The following DYM variants were observed in gnomAD, a reference collection of about 807,000 sequenced individuals.
DYM encodes the protein dymeclin.
Under a neutral mutation model 93.1 loss-of-function variants are expected in DYM, and 78 were observed. The ratio of observed to expected loss-of-function variants is 0.84; its 90% CI spans 0.70 to 1.01. DYM has a LOEUF of 1.01. Among genes scored for constraint, DYM ranks in the 50% least tolerant of loss-of-function variants. The probability of loss-of-function intolerance (pLI) is 0.00; values close to 1 mark genes in which losing one functional copy is unlikely to be tolerated. For synonymous variants in DYM, 321 were observed against 319.7 expected (o/e 1.00, Z -0.04); for missense variants, 789 against 845.0 (o/e 0.93, Z 0.82).
chr18:49,331,752 C>T (rs1239673962), intron 8 of DYM, 112 bp downstream of exon 8: 31 of 1,175,688 alleles, frequency 2.6e-5, no homozygotes, highest in Non-Finnish European at 2.8e-5. Context: ...GAACCAGCTG[C>T]ACAAATTCAA....
chr18:49,262,448 A>G (rs2094504354), intron 11 of DYM, among the ~76,000 whole-genome samples: 1 of 152,208 alleles, frequency 6.6e-6, no homozygotes, highest in Non-Finnish European at 1.5e-5. Context: ...CATTTATATC[A>G]GCAGTACTCA....
intron 8 of DYM, among the ~76,000 whole-genome samples, chr18:49,308,509 G>A (rs762476428): frequency 8.5e-5 from 13 of 152,094 alleles, no homozygotes; most frequent in South Asian, 2.1e-4. Flanking sequence ...CAGTCCTACC[G>A]TCTACTAGTT....
rs1305733829 is a variant in DYM, at chr18:49,043,428, C to T, written c.*627G>A. ...TACAAATGTGAGCCACTGTATCTGGCCCATATTCTTTTTTAAGAAAAGATG... is the reference window on the plus strand; with the variant it reads ...TACAAATGTGAGCCACTGTATCTGGTCCATATTCTTTTTTAAGAAAAGATG... On this transcript the variant is annotated 3_prime_UTR_variant, in exon 18 of 18. Transcript: ENST00000675505. 1 of 152,436 alleles carries T rather than the reference C, an allele frequency of 6.6e-6. No homozygotes were observed. Among genetic ancestry groups the T allele is most frequent in the Non-Finnish European group, 1.5e-5 (1 of 68,244 alleles). The allele number at this position is 152,436 out of a possible 1,614,324, so 9.4% of individuals were successfully genotyped here.
intron 17 of DYM, among the ~76,000 whole-genome samples, chr18:49,084,236 T>G (rs2078300925): frequency 1.3e-5 from 2 of 152,216 alleles, no homozygotes; most frequent in Admixed American, 1.3e-4. Flanking sequence ...ATTAAAAGTA[T>G]GCTGCTTAAT....
intron 13 of DYM, among the ~76,000 whole-genome samples, chr18:49,228,931 A>G (rs989952279): frequency 6.6e-6 from 1 of 152,156 alleles, no homozygotes; most frequent in African/African-American, 2.4e-5. Context: ...TCACATCTGA[A>G]TAAACAGTTA....
At chr18:49,281,506 A>G (rs894785143) in intron 10 of DYM, among the ~76,000 whole-genome samples, 2 of 152,248 alleles carry the variant, frequency 1.3e-5, no homozygotes, top group Non-Finnish European at 2.9e-5. Context: ...ATGCACACGC[A>G]TGTTTATGGC....
chr18:49,079,945 C>G (rs1386950472), intron 17 of DYM, among the ~76,000 whole-genome samples: 1 of 150,862 alleles, frequency 6.6e-6, no homozygotes, highest in Non-Finnish European at 1.5e-5. Context: ...GGGTGGTGGC[C>G]GGGCAGAGGG....
intron 1 of DYM, among the ~76,000 whole-genome samples, chr18:49,441,771 G>C (rs1185044012): frequency 1.3e-5 from 2 of 152,022 alleles, no homozygotes; most frequent in African/African-American, 4.8e-5. Context: ...ATGGAGCCGT[G>C]GGAAGGCTAA....
chr18:49,187,662 C>A (rs1330546271), intron 14 of DYM, among the ~76,000 whole-genome samples: 2 of 152,062 alleles, frequency 1.3e-5, no homozygotes, highest in Non-Finnish European at 2.9e-5. Context: ...GAATGAAACT[C>A]TCCCCAAATA....
intron 10 of DYM, among the ~76,000 whole-genome samples, chr18:49,281,138 A>C (rs2094962913): frequency 1.3e-5 from 2 of 152,180 alleles, no homozygotes; most frequent in Non-Finnish European, 1.5e-5. Context: ...AAAAAGTGGG[A>C]GAAGGATATG....
At chr18:49,327,865 A>G (rs1443166598) in intron 8 of DYM, among the ~76,000 whole-genome samples, 2 of 152,224 alleles carry the variant, frequency 1.3e-5, no homozygotes, top group Non-Finnish European at 2.9e-5. Flanking sequence ...TATTCACTAC[A>G]GTCCACAGAT....
At chr18:49,252,485 C>A (rs2094312956) in intron 13 of DYM, among the ~76,000 whole-genome samples, 1 of 152,054 alleles carries the variant, frequency 6.6e-6, no homozygotes, top group African/African-American at 2.4e-5. Context: ...AAACTGCCCC[C>A]ATGATTTAAT....
chr18:49,201,437 A>G (rs950267869), intron 14 of DYM, among the ~76,000 whole-genome samples: 2 of 152,180 alleles, frequency 1.3e-5, no homozygotes, highest in African/African-American at 4.8e-5. Context: ...AGGTTCATTT[A>G]AATGCATGAC....
intron 14 of DYM, among the ~76,000 whole-genome samples, chr18:49,178,279 T>A (rs1167470343): frequency 1.3e-5 from 2 of 151,630 alleles, no homozygotes; most frequent in Non-Finnish European, 2.9e-5. Flanking sequence ...AATCTAAGAG[T>A]AGTGTGACCA....
chr18:49,411,755 T>C (rs1238385522), intron 2 of DYM: 2 of 152,212 alleles, frequency 1.3e-5, no homozygotes, highest in South Asian at 2.1e-4. Flanking sequence ...CTTTCAAAAC[T>C]GACATTTTAT....
intron 2 of DYM, among the ~76,000 whole-genome samples, chr18:49,408,137 AT>A (rs1249031269): frequency 6.6e-6 from 1 of 152,092 alleles, no homozygotes; most frequent in African/African-American, 2.4e-5. Flanking sequence ...TATCATATAC[AT>A]TTTAAAATAT....
chr18:49,181,046 C>T (rs1350383223), intron 14 of DYM, among the ~76,000 whole-genome samples: 2 of 152,164 alleles, frequency 1.3e-5, no homozygotes, highest in Non-Finnish European at 2.9e-5. Flanking sequence ...CCTCTCTAGC[C>T]TGAGTCCAGG....
At chr18:49,314,438 G>C (rs1184036655) in intron 8 of DYM, among the ~76,000 whole-genome samples, 1 of 152,146 alleles carries the variant, frequency 6.6e-6, no homozygotes, top group Non-Finnish European at 1.5e-5. Context: ...GTTTCTATAT[G>C]GGCTTCCTGG....
intron 6 of DYM, among the ~76,000 whole-genome samples, chr18:49,339,898 C>T (rs919141389): frequency 2.6e-5 from 4 of 152,032 alleles, no homozygotes; most frequent in Admixed American, 6.5e-5. Flanking sequence ...TAAAATGAGG[C>T]GGAGCCACAC....
Sources: gnomAD v4.1 joint callset for allele counts (sites outside exome capture counted in the v4.1 genomes callset) on GRCh38, gnomAD v4.1.1 for gene constraint, MANE v1.5 for transcripts, NCBI Gene and HGNC (gene_info 2026-07-23, HGNC 2026-07-21) for gene names.